TANGO6: variants seen among roughly 807,000 people sequenced by gnomAD.
TANGO6 encodes the protein transport and golgi organization 6 homolog, also known as transport and Golgi organization protein 6 homolog.
A neutral mutation model predicts 114.2 loss-of-function variants in TANGO6; 90 were observed. The ratio of observed to expected loss-of-function variants is 0.79; its 90% CI spans 0.66 to 0.94. TANGO6 has a LOEUF of 0.94. TANGO6 is among the 40% of genes least tolerant of loss of function. The pLI is 0.00. For synonymous variants in TANGO6, 477 were observed against 509.8 expected, an observed-to-expected ratio of 0.94 and a Z score of 0.87; for missense variants, 1,274 against 1,315.3, an observed-to-expected ratio of 0.97 and a Z score of 0.49.
chr16:69,074,379 A>T (rs1030979689), intron 17 of TANGO6, among the ~76,000 whole-genome samples: 1 of 151,994 alleles, frequency 6.6e-6, no homozygotes, highest in African/African-American at 2.4e-5. Flanking sequence ...TCTGCAGTGG[A>T]AAGTAAAAGC....
intron 17 of TANGO6, among the ~76,000 whole-genome samples, chr16:69,057,194 T>C (rs1179827407): frequency 1.3e-5 from 2 of 151,854 alleles, no homozygotes; most frequent in Non-Finnish European, 2.9e-5. Flanking sequence ...AAATGGTAAA[T>C]TGCTCTTTGT....
In TANGO6 at chr16:69,084,981, C is replaced by G. The variant is rs900457790; in HGVS notation, c.*1320C>G. On this transcript the variant is annotated 3_prime_UTR_variant, in exon 18 of 18. Coordinates refer to ENST00000261778, the MANE Select transcript of TANGO6 (RefSeq NM_024562.2). ...TCTTATGAACAGGATCACAAGTGAG[C>G]TTAGTGAGCAGAGAGTTAGAACAAA... 3 of 152,312 alleles carry G rather than the reference C, an allele frequency of 2.0e-5. No individual in the cohort carries two copies. The highest frequency in any genetic ancestry group is 4.4e-5 in the Non-Finnish European group (3 of 68,020). The allele number at this position is 152,312 out of a possible 1,614,324, so 9.4% of individuals were successfully genotyped here.
intron 15 of TANGO6, among the ~76,000 whole-genome samples, chr16:69,001,689 TA>T (rs1174377467): frequency 6.6e-6 from 1 of 152,168 alleles, no homozygotes; most frequent in East Asian, 1.9e-4. Flanking sequence ...TCTAGATTCC[TA>T]AAAAGAAAGG....
At chr16:68,884,786 A>G (rs1056746859) in intron 7 of TANGO6, among the ~76,000 whole-genome samples, 1 of 152,202 alleles carries the variant, frequency 6.6e-6, no homozygotes, top group East Asian at 1.9e-4. Context: ...TCTGGAAATA[A>G]TGAATCCTGC....
chr16:69,074,163 G>C (rs1264647153), intron 17 of TANGO6, among the ~76,000 whole-genome samples: 1 of 152,116 alleles, frequency 6.6e-6, no homozygotes, highest in Non-Finnish European at 1.5e-5. Flanking sequence ...AGGGTTGTTT[G>C]CAGGCTGACC....
intron 14 of TANGO6, among the ~76,000 whole-genome samples, chr16:68,931,151 G>T (rs1963234618): frequency 1.3e-5 from 2 of 152,190 alleles, no homozygotes. Context: ...AGCAGACATG[G>T]TGAGGTCAGA....
At chr16:68,901,680 T>C (rs1962787469) in intron 8 of TANGO6, among the ~76,000 whole-genome samples, 1 of 152,000 alleles carries the variant, frequency 6.6e-6, no homozygotes, top group South Asian at 2.1e-4. Flanking sequence ...GTAGAGACAG[T>C]GTTTCACCAT....
chr16:68,963,175 G>A (rs561479260), intron 14 of TANGO6, among the ~76,000 whole-genome samples: 1 of 149,700 alleles, frequency 6.7e-6, no homozygotes, highest in South Asian at 2.1e-4. Flanking sequence ...AGGATACAGT[G>A]CAGTGATGCA....
At chr16:68,844,196 G>A (rs1961769260) in intron 1 of TANGO6, among the ~76,000 whole-genome samples, 1 of 152,140 alleles carries the variant, frequency 6.6e-6, no homozygotes, top group Non-Finnish European at 1.5e-5. Context: ...GTATTTAGGG[G>A]TTACCAGGCG....
chr16:68,878,345 A>G, intron 6 of TANGO6, 65 bp downstream of exon 6: 1 of 1,500,812 alleles, frequency 6.7e-7, no homozygotes, highest in Non-Finnish European at 8.9e-7. Context: ...TTCACGTTGA[A>G]ATGATTTAAA....
chr16:69,050,210 C>A (rs1959925462), intron 17 of TANGO6, among the ~76,000 whole-genome samples: 1 of 152,146 alleles, frequency 6.6e-6, no homozygotes, highest in Non-Finnish European at 1.5e-5. Flanking sequence ...CATGAGGTTT[C>A]CAAATTCTCC....
At chr16:68,865,494 T>C (rs1962161976) in intron 3 of TANGO6, among the ~76,000 whole-genome samples, 2 of 152,104 alleles carry the variant, frequency 1.3e-5, no homozygotes, top group Non-Finnish European at 2.9e-5. Flanking sequence ...AACCAGCTAA[T>C]AAGTGAGTTT....
chr16:68,917,268 G>T (rs1963019184), intron 11 of TANGO6, among the ~76,000 whole-genome samples: 1 of 151,892 alleles, frequency 6.6e-6, no homozygotes, highest in African/African-American at 2.4e-5. Context: ...TTTTTCCATT[G>T]TTTGGATGTA....
intron 12 of TANGO6, among the ~76,000 whole-genome samples, chr16:68,922,955 T>TTG (rs1288643512): frequency 7.0e-6 from 1 of 143,198 alleles, no homozygotes; most frequent in African/African-American, 2.6e-5. Flanking sequence ...TTTTTTTTTT[T>TTG]TTTTTTTTTT....
chr16:68,866,885 C>T (rs111988406), intron 3 of TANGO6, among the ~76,000 whole-genome samples, 194 bp from the exon 4 acceptor site: 5 of 151,594 alleles, frequency 3.3e-5, no homozygotes, highest in African/African-American at 4.8e-5. Flanking sequence ...TGCAGTGAGC[C>T]GAGATTTTGC....
chr16:68,983,782 C>G (rs1270180313), intron 15 of TANGO6, among the ~76,000 whole-genome samples: 1 of 152,046 alleles, frequency 6.6e-6, no homozygotes, highest in African/African-American at 2.4e-5. Context: ...GCCTGTAATC[C>G]CAGCACTTTG....
rs1198163886 is a variant in TANGO6 at position 69,084,581 on chromosome 16, C to T, written c.*920C>T. On this transcript the variant is annotated 3_prime_UTR_variant, in exon 18 of 18. Coordinates refer to ENST00000261778, the MANE Select transcript of TANGO6 (RefSeq NM_024562.2). ...TTCAGATATAGCACTGTGGTCTCCA[C>T]TTTATTTCTTTATATGTTTTGGCCG... The T allele has an allele frequency of 6.6e-6, 1 of 152,366 alleles. No homozygotes were observed. Among genetic ancestry groups the T allele is most frequent in the Non-Finnish European group, 1.5e-5 (1 of 68,042 alleles). 9.4% of individuals were successfully genotyped at this position (152,366 alleles called of 1,614,324 possible).
At chr16:68,915,123 A>C (rs1204021247) in intron 11 of TANGO6, among the ~76,000 whole-genome samples, 1 of 149,876 alleles carries the variant, frequency 6.7e-6, no homozygotes, top group Non-Finnish European at 1.5e-5. Flanking sequence ...ACAGTGAGCC[A>C]AGATCACACC....
chr16:69,002,228 G>A (rs1454449257), intron 15 of TANGO6, among the ~76,000 whole-genome samples: 1 of 152,056 alleles, frequency 6.6e-6, no homozygotes, highest in Admixed American at 6.6e-5. Context: ...ACGGACAGGA[G>A]AAATAATTCA....
Sources: allele counts gnomAD v4.1 joint callset (sites outside exome capture counted in the v4.1 genomes callset), GRCh38; gene constraint gnomAD v4.1.1; transcripts MANE v1.5; gene names NCBI Gene and HGNC (gene_info 2026-07-23, HGNC 2026-07-21).